The following CFAP54 variants were observed in gnomAD, a reference collection of about 807,000 sequenced individuals.
CFAP54 encodes cilia- and flagella-associated protein 54.
In CFAP54, 290 loss-of-function variants were observed where a neutral mutation model predicts 370.4. The observed-to-expected ratio is 0.78, with a 90% CI of 0.71 to 0.86. CFAP54 has a LOEUF of 0.86. CFAP54 is among the 40% of genes least tolerant of loss of function. CFAP54 has a pLI of 0.00. For missense variants in CFAP54, 3,399 were observed against 3,528.7 expected, an observed-to-expected ratio of 0.96 and a Z score of 0.93; for synonymous variants, 1,206 against 1,236.5, an observed-to-expected ratio of 0.98 and a Z score of 0.52.
At chr12:96,848,355 G>C (rs936059707) in intron 66 of CFAP54, among the ~76,000 whole-genome samples, 1 of 152,108 alleles carries the variant, frequency 6.6e-6, no homozygotes, top group Non-Finnish European at 1.5e-5. Context: ...ACAGGCGTGA[G>C]CCACCGTGCC....
chr12:96,839,056 TGA>T (rs747831628), intron 66 of CFAP54, among the ~76,000 whole-genome samples: 4 of 152,170 alleles, frequency 2.6e-5, no homozygotes, highest in Non-Finnish European at 5.9e-5. Flanking sequence ...AATATGTCCC[TGA>T]GAGAGAGTTA....
rs34715946 is a variant in CFAP54 at position 96,584,638 on chromosome 12, G to GTT, written c.3075+3544_3075+3545dup. 4.0e-3 allele frequency among the ~76,000 whole-genome samples: 586 copies of GTT among 148,198 alleles called. 5 individuals carry two copies. The highest frequency in any genetic ancestry group is 0.011 in the African/African-American group (445 of 40,394). On this transcript the variant is annotated intron_variant, in intron 22 of 67. Transcript: ENST00000524981. The stretch of plus-strand genomic sequence containing the variant: ...GTCATCACTTCATCCTTTGAAATAT[G>GTT]TTTTTTTTTTTTATCAATCTCATTA...
At chr12:96,542,722 AT>A (rs1434870183) in intron 14 of CFAP54, among the ~76,000 whole-genome samples, 1 of 152,196 alleles carries the variant, frequency 6.6e-6, no homozygotes, top group Non-Finnish European at 1.5e-5. Context: ...CCACAGTGCC[AT>A]TATTATTATA....
intron 67 of CFAP54, among the ~76,000 whole-genome samples, chr12:96,867,225 A>C (rs1369736176): frequency 6.6e-6 from 1 of 152,166 alleles, no homozygotes; most frequent in African/African-American, 2.4e-5. Flanking sequence ...TGTTCATTTG[A>C]TAGATCTTAT....
rs118116253 is a variant in CFAP54, at chr12:96,802,121, G to A, written c.8851-9615G>A. On this transcript the variant is annotated intron_variant, in intron 63 of 67. Transcript: ENST00000524981. ...TTCAGAACGAGTTTGAGTTGATGTG[G>A]CAGCAGCTGCTGCCTGACCAAGGAG... is the stretch of plus-strand genomic sequence containing the variant. Among the ~76,000 whole-genome samples the A allele has an allele frequency of 7.2e-5, 11 of 152,196 alleles. No individual in the cohort carries two copies. The East Asian group carries it at 1.2e-3, about 16-fold the overall frequency.
At position 96,594,291 on chromosome 12, in the gene CFAP54, A is replaced by T. The variant is rs766792075; in HGVS notation, c.3361A>T (p.Ile1121Phe). The change falls in exon 25 of 68, where the codon ATT (isoleucine) becomes TTT (phenylalanine). Residue 1121 changes from isoleucine (I) to phenylalanine (F), a missense_variant and splice_region_variant. Ile to Phe is a conservative substitution (Grantham distance 21). Coordinates refer to ENST00000524981, the MANE Select transcript of CFAP54 (RefSeq NM_001306084.2). ...KGNEIFPSQQ[I>F]ARLIECERVL... ...AGTAACAATGCCTGTTTCTTTACAGATTGCCAGACTGATTGAATGTGAGAG... is the reference window on the plus strand; with the variant it reads ...AGTAACAATGCCTGTTTCTTTACAGTTTGCCAGACTGATTGAATGTGAGAG... The T allele has an allele frequency of 2.7e-6, 4 of 1,506,802 alleles. No homozygotes were observed. In the South Asian group the frequency reaches 5.1e-5, roughly 19 times the overall value. The allele number at this position is 1,506,802 out of a possible 1,614,324, so 93.3% of individuals were successfully genotyped here.
chr12:96,717,220 C>T (rs1333016847), intron 48 of CFAP54, among the ~76,000 whole-genome samples: 1 of 152,128 alleles, frequency 6.6e-6, no homozygotes, highest in Non-Finnish European at 1.5e-5. Flanking sequence ...GTACCACGTT[C>T]AGGCATTTGG....
chr12:96,664,693 ATATCTATATATATATATATATC>A (rs1565934124), intron 39 of CFAP54, among the ~76,000 whole-genome samples: 7 of 12,260 alleles, frequency 5.7e-4, no homozygotes, highest in Non-Finnish European at 8.7e-4. Context: ...CTTTGGGTAT[ATATCTATATATATATATATATC>A]TATATATATC....
intron 13 of CFAP54, chr12:96,540,136 T>C (rs1442055325): frequency 6.6e-6 from 1 of 152,136 alleles, no homozygotes; most frequent in East Asian, 1.9e-4. Flanking sequence ...AGAGACTCGC[T>C]CTTTTGCCCA....
At chr12:96,811,182 G>A (rs1302533890) in intron 63 of CFAP54, among the ~76,000 whole-genome samples, 1 of 152,134 alleles carries the variant, frequency 6.6e-6, no homozygotes, top group East Asian at 1.9e-4. Context: ...TAACTAAGTA[G>A]GTGCTATAAC....
chr12:96,672,177 G>A (rs917561507), intron 39 of CFAP54, among the ~76,000 whole-genome samples: 13 of 152,006 alleles, frequency 8.6e-5, no homozygotes, highest in Admixed American at 5.2e-4. Context: ...CAGTAAAGAG[G>A]GAGAGCTTAT....
Position 96,725,472 on chromosome 12 carries a change from C to T in CFAP54, c.6965+4907C>T, listed in dbSNP as rs1418078955. On this transcript the variant is annotated intron_variant, in intron 50 of 67. Coordinates refer to ENST00000524981, the MANE Select transcript of CFAP54 (RefSeq NM_001306084.2). ...GGGAGTTCACTCATGATTTGGCTCT[C>T]TGTTTGTCTGTTATTGGTGTATAAG... Among the ~76,000 whole-genome samples the T allele has an allele frequency of 2.6e-5, 4 of 151,944 alleles. 1 individual carries two copies. In the South Asian group the frequency reaches 6.2e-4, roughly 24 times the overall value.
rs1955982305 is a variant in CFAP54, at chr12:96,576,759, A to C, written c.2794A>C (p.Lys932Gln). 3.9e-6 allele frequency: 6 copies of C among 1,531,738 alleles called. No individual in the cohort carries two copies. Among genetic ancestry groups the C allele is most frequent in the Non-Finnish European group, 5.2e-6 (6 of 1,145,350 alleles). The allele number at this position is 1,531,738 out of a possible 1,614,324, so 94.9% of individuals were successfully genotyped here. A position where few individuals can be genotyped will look rare whatever the true frequency, so the allele number is the denominator to read the frequency against. The part of the protein sequence containing the change: ...LKPAPFTSEV[K>Q]VSWYCILGCK... ...ACCTGCTCCATTTACTTCAGAGGTT[A>C]AGGTATGGTGTCCAGTAAAATTTTT... is the stretch of plus-strand genomic sequence containing the variant. Residue 932 changes from lysine to glutamine, a missense_variant and splice_region_variant, in exon 20 of 68, where the codon AAG becomes CAG. Around this residue, in one of 3 missense-constraint regions of CFAP54, gnomAD observed 2,796 missense variants for 2,869.7 expected, o/e 0.97. Coordinates refer to ENST00000524981, the MANE Select transcript of CFAP54 (RefSeq NM_001306084.2).
intron 39 of CFAP54, among the ~76,000 whole-genome samples, chr12:96,676,946 AT>A (rs1484657259): frequency 6.6e-6 from 1 of 152,094 alleles, no homozygotes; most frequent in Non-Finnish European, 1.5e-5. Context: ...AGAATCTACC[AT>A]TCTGGTCTCC....
At chr12:96,543,562 C>A (rs1955601972) in intron 14 of CFAP54, among the ~76,000 whole-genome samples, 1 of 152,002 alleles carries the variant, frequency 6.6e-6, no homozygotes, top group South Asian at 2.1e-4. Flanking sequence ...AACCTCACAC[C>A]TGTTTGGCTA....
intron 3 of CFAP54, among the ~76,000 whole-genome samples, chr12:96,505,029 T>C (rs942246998): frequency 6.6e-6 from 1 of 151,074 alleles, no homozygotes; most frequent in African/African-American, 2.4e-5. Context: ...TCTTTTCTTC[T>C]CTTTCTTTCT....
At chr12:96,665,486 T>G (rs962778016) in intron 39 of CFAP54, among the ~76,000 whole-genome samples, 1 of 152,304 alleles carries the variant, frequency 6.6e-6, no homozygotes, top group Non-Finnish European at 1.5e-5. Flanking sequence ...CATCTTGAGT[T>G]AGTTTATGTA....
At chr12:96,510,960 T>C (rs1041999559) in intron 4 of CFAP54, among the ~76,000 whole-genome samples, 1 of 111,864 alleles carries the variant, frequency 8.9e-6, no homozygotes, top group Non-Finnish European at 1.8e-5. Context: ...GAGACTCTTA[T>C]CTCAAAAAAA....
chr12:96,503,713 C>A (rs905869757), intron 2 of CFAP54, among the ~76,000 whole-genome samples, 173 bp from the exon 3 acceptor site: 10 of 152,120 alleles, frequency 6.6e-5, no homozygotes, highest in African/African-American at 2.4e-4. Context: ...AATGCACATA[C>A]ATTGTATAGT....
Sources: allele counts gnomAD v4.1 joint callset (sites outside exome capture counted in the v4.1 genomes callset), GRCh38; gene constraint gnomAD v4.1.1; regional missense constraint gnomAD v4.1.1; transcripts MANE v1.5; gene names NCBI Gene and HGNC (gene_info 2026-07-23, HGNC 2026-07-21).